HMCN2: variants seen among roughly 807,000 people sequenced by gnomAD.
HMCN2 encodes the protein hemicentin 2.
Under a neutral mutation model 377.5 loss-of-function variants are expected in HMCN2, and 325 were observed. The observed-to-expected ratio is 0.86, with a 90% CI of 0.79 to 0.94. HMCN2 has a LOEUF of 0.94. Ranked by LOEUF, HMCN2 falls within the 40% of genes least tolerant of loss-of-function variation. The pLI is 0.00. For missense variants in HMCN2, 4,543 were observed against 4,725.3 expected (o/e 0.96, Z 1.13); for synonymous variants, 2,007 against 2,046.8 (o/e 0.98, Z 0.53).
chr9:130,404,403 G>A (rs900311822), intron 80 of HMCN2, among the ~76,000 whole-genome samples: 7 of 152,120 alleles, frequency 4.6e-5, no homozygotes, highest in East Asian at 1.9e-4. Context: ...CTTGTCCAGC[G>A]TGCTCCTCTC....
chr9:130,410,026 T>A (rs530006973), intron 84 of HMCN2, among the ~76,000 whole-genome samples: 1 of 152,342 alleles, frequency 6.6e-6, no homozygotes, highest in South Asian at 2.1e-4. Flanking sequence ...GCAAACGATC[T>A]CCCTTCTGGA....
At position 130,356,105 on chromosome 9, in the gene HMCN2, G is replaced by T; in HGVS notation, c.5273G>T (p.Arg1758Leu). 7.8e-7 allele frequency: 1 copy of T among 1,289,596 alleles called. No individual in the cohort carries two copies. 79.9% of individuals were successfully genotyped at this position (1,289,596 alleles called of 1,614,324 possible). The change falls in exon 34 of 98, where the codon CGC (arginine) becomes CTC (leucine). Residue 1758 changes from arginine (R) to leucine (L), a missense_variant. Coordinates refer to ENST00000683500, the MANE Select transcript of HMCN2 (RefSeq NM_001291815.2). The part of the protein sequence containing the change: ...VPTIQWLQNG[R>L]PAEELAGVQV... ...CACCTTAGGTGGCTGCAGAATGGCC[G>T]CCCAGCCGAGGAGCTGGCTGGGGTG...
chr9:130,291,774 TATC>T (rs1835780091), intron 4 of HMCN2, among the ~76,000 whole-genome samples: 1 of 152,212 alleles, frequency 6.6e-6, no homozygotes, highest in Non-Finnish European at 1.5e-5. Context: ...AGTTTCCTAG[TATC>T]ATTCTATACA....
intron 95 of HMCN2, 110 bp downstream of exon 95, chr9:130,430,714 G>A (rs1844692843): frequency 5.7e-6 from 6 of 1,051,870 alleles, no homozygotes; most frequent in Non-Finnish European, 8.1e-6. Flanking sequence ...GACCTTCCAG[G>A]CAAGTGGGGT....
chr9:130,273,926 A>G (rs1247656060), intron 1 of HMCN2, among the ~76,000 whole-genome samples: 1 of 152,276 alleles, frequency 6.6e-6, no homozygotes, highest in Non-Finnish European at 1.5e-5. Context: ...CTCAAAAAAC[A>G]AGAAAAAGCA....
At chr9:130,352,378 G>A (rs909983116) in intron 30 of HMCN2, among the ~76,000 whole-genome samples, 1 of 152,358 alleles carries the variant, frequency 6.6e-6, no homozygotes, top group African/African-American at 2.4e-5. Context: ...GTGCTAAAAA[G>A]CGGAGAGTAG....
chr9:130,297,431 G>T (rs1836232848), intron 7 of HMCN2, among the ~76,000 whole-genome samples: 1 of 152,210 alleles, frequency 6.6e-6, no homozygotes, highest in Non-Finnish European at 1.5e-5. Context: ...CAGGTTTCTG[G>T]TGCGGGCTGC....
At position 130,369,811 on chromosome 9, in the gene HMCN2, G is replaced by A; in HGVS notation, c.7029G>A (p.Leu2343=). 1 of 986,178 alleles carries A rather than the reference G, an allele frequency of 1.0e-6. No individual in the cohort carries two copies. The highest frequency in any genetic ancestry group is 1.2e-6 in the Non-Finnish European group (1 of 830,274). 61.1% of individuals were successfully genotyped at this position (986,178 alleles called of 1,614,324 possible). Reference sequence around the variant, plus strand: ...GCTACAGCTGTGTGGCCGAGAACCTGGCTGGGAGGGCAGAGAGGAAGTTTG... The same window carrying A: ...GCTACAGCTGTGTGGCCGAGAACCTAGCTGGGAGGGCAGAGAGGAAGTTTG... ...TGRYSCVAEN[L]AGRAERKFEL... is the part of the protein sequence containing the mutation. Residue 2343 remains leucine, a synonymous_variant, in exon 45 of 98, where the codon CTG becomes CTA. Coordinates refer to ENST00000683500, the MANE Select transcript of HMCN2 (RefSeq NM_001291815.2). The surrounding 1 kb of genome is among the most constrained non-coding windows in gnomAD (Gnocchi z 4.5).
chr9:130,308,293 T>C lies in HMCN2; in HGVS notation c.2200+727T>C, dbSNP rs997957553. Among the ~76,000 whole-genome samples the C allele has an allele frequency of 1.2e-4, 19 of 152,344 alleles. No homozygotes were observed. The highest frequency in any genetic ancestry group is 4.6e-4 in the African/African-American group (19 of 41,576). ...GGTTTTAGAACAAGCTTGGCACATG[T>C]GCTGTGCTTGGCATTCTTAGTGATA... is the stretch of plus-strand genomic sequence containing the variant. On this transcript the variant is annotated intron_variant, in intron 14 of 97. Transcript: ENST00000683500. This position sits in a 1 kb window ranked among gnomAD's most constrained non-coding sequence, Gnocchi z 4.1.
chr9:130,329,975 C>G lies in HMCN2; in HGVS notation c.3359+2500C>G, dbSNP rs886103921. The stretch of plus-strand genomic sequence containing the variant: ...TGTCTGCTTCCTCCTCCCCTCCCCC[C>G]CTTCCCTACATCCTCTTCCTCTTCC... On this transcript the variant is annotated intron_variant, in intron 22 of 97. Transcript: ENST00000683500. Among the ~76,000 whole-genome samples, 410 of 151,470 alleles carry G rather than the reference C, an allele frequency of 2.7e-3. 2 individuals are homozygous for G. Among genetic ancestry groups the G allele is most frequent in the Non-Finnish European group, 4.5e-3 (306 of 67,786 alleles).
chr9:130,384,596 G>C, intron 58 of HMCN2, 62 bp downstream of exon 58: 1 of 1,299,504 alleles, frequency 7.7e-7, no homozygotes, highest in Non-Finnish European at 1.0e-6. Context: ...TTGCTCCCCC[G>C]ACCTGGGACA....
intron 22 of HMCN2, among the ~76,000 whole-genome samples, chr9:130,332,966 T>C (rs1838505239): frequency 6.8e-6 from 1 of 146,470 alleles, no homozygotes; most frequent in Non-Finnish European, 1.5e-5. Context: ...AACAGCAATG[T>C]GGGAGACAGC....
chr9:130,272,540 C>CTCT (rs1180013511), intron 1 of HMCN2, among the ~76,000 whole-genome samples: 1 of 151,836 alleles, frequency 6.6e-6, no homozygotes, highest in Non-Finnish European at 1.5e-5. Context: ...CATGCCTGGC[C>CTCT]TCTTCTTCTT....
At position 130,299,094 on chromosome 9, in the gene HMCN2, T is replaced by C. The variant is rs1178055936; in HGVS notation, c.1082T>C (p.Leu361Pro). The change falls in exon 8 of 98, where the codon CTG (leucine) becomes CCG (proline). Residue 361 changes from leucine (L) to proline (P), a missense_variant. This residue lies in a region of HMCN2 where 547 missense variants were observed against 189.9 expected (regional missense o/e 2.88). Coordinates refer to ENST00000683500, the MANE Select transcript of HMCN2 (RefSeq NM_001291815.2). The stretch of plus-strand genomic sequence containing the variant: ...CCCGGCCGCCTAGACTCGGTGGAGC[T>C]GGCACAAAGCTCAGGGAAGCCCCTC... ...KAPGRLDSVE[L>P]AQSSGKPLLT... is the part of the protein sequence containing the mutation. The C allele has an allele frequency of 6.4e-6, 3 of 470,936 alleles. No homozygotes were observed. Among genetic ancestry groups the C allele is most frequent in the Non-Finnish European group, 1.3e-5 (3 of 226,998 alleles). 29.2% of individuals were successfully genotyped at this position (470,936 alleles called of 1,614,324 possible).
rs1236081954 is a variant in HMCN2, at chr9:130,385,647, C to T, written c.9194C>T (p.Thr3065Ile). ...GACAAAGCTGTCCTGAGCTGCGAGA[C>T]AGATGCGCTCCCTGAGCCAACTGTG... The part of the protein sequence containing the change: ...VGDKAVLSCE[T>I]DALPEPTVTW... Residue 3065 changes from threonine to isoleucine, a missense_variant, in exon 60 of 98, where the codon ACA becomes ATA. Around this residue, in one of 5 missense-constraint regions of HMCN2, gnomAD observed 736 missense variants for 773.2 expected, o/e 0.95. Transcript: ENST00000683500. 3 of 1,304,236 alleles carry T rather than the reference C, an allele frequency of 2.3e-6. No homozygotes were observed. The East Asian group carries it at 1.7e-4, about 72-fold the overall frequency. The allele number at this position is 1,304,236 out of a possible 1,614,324, so 80.8% of individuals were successfully genotyped here.
intron 4 of HMCN2, among the ~76,000 whole-genome samples, chr9:130,290,028 G>C (rs1554929443): frequency 6.6e-6 from 1 of 152,222 alleles, no homozygotes; most frequent in Non-Finnish European, 1.5e-5. Context: ...CATCTGGCTG[G>C]GGGAGCACTG....
At chr9:130,385,013 A>G (rs989657083) in intron 59 of HMCN2, among the ~76,000 whole-genome samples, 18 of 152,090 alleles carry the variant, frequency 1.2e-4, no homozygotes, top group Non-Finnish European at 1.9e-4. Flanking sequence ...GTGGTGGGGG[A>G]AGCCTGTTTC....
At chr9:130,349,247 G>A (rs2099499865) in intron 28 of HMCN2, 116 bp downstream of exon 28, 1 of 1,108,082 alleles carries the variant, frequency 9.0e-7, no homozygotes, top group South Asian at 1.5e-5. Context: ...GGGGCACAGA[G>A]GGACCCATGA....
intron 22 of HMCN2, among the ~76,000 whole-genome samples, chr9:130,335,852 T>C (rs1225925688): frequency 6.6e-6 from 1 of 152,200 alleles, no homozygotes; most frequent in Non-Finnish European, 1.5e-5. Context: ...CAGGCAGTGG[T>C]TCCCTGGAGG....
Sources: allele counts gnomAD v4.1 joint callset (sites outside exome capture counted in the v4.1 genomes callset), GRCh38; gene constraint gnomAD v4.1.1; regional missense constraint gnomAD v4.1.1; non-coding constraint Gnocchi (gnomAD v3.1); transcripts MANE v1.5; gene names NCBI Gene and HGNC (gene_info 2026-07-23, HGNC 2026-07-21).